ZNF621: variants seen among roughly 807,000 people sequenced by gnomAD.
ZNF621 encodes the protein zinc finger protein 621.
ZNF621 carries 6 observed loss-of-function variants against 12.7 expected under a neutral mutation model. That is an observed-to-expected ratio of 0.47 (90% CI 0.26 to 0.93). ZNF621 has a LOEUF of 0.93. Among genes scored for constraint, ZNF621 ranks in the 40% least tolerant of loss-of-function variants. The pLI, the probability that ZNF621 is intolerant of heterozygous loss-of-function variation, is 0.15. For missense variants in ZNF621, 474 were observed against 524.0 expected (o/e 0.90, Z 0.93); for synonymous variants, 156 against 190.3 (o/e 0.82, Z 1.48).
upstream of ZNF621, among the ~76,000 whole-genome samples, chr3:40,524,639 C>T (rs917785359): frequency 2.6e-5 from 4 of 152,208 alleles, no homozygotes; most frequent in African/African-American, 7.2e-5. Context: ...AGGTGAGCCA[C>T]GGGGCCAAGG....
chr3:40,532,267 T>A lies in ZNF621; in HGVS notation c.497T>A (p.Leu166His), dbSNP rs944195915. 8 of 1,613,784 alleles carry A rather than the reference T, an allele frequency of 5.0e-6. No individual in the cohort carries two copies. Among genetic ancestry groups the A allele is most frequent in the Middle Eastern group, 1.6e-4 (1 of 6,062 alleles). ...CGKIFRYNSK[L>H]IRHQMSHTGE... The stretch of plus-strand genomic sequence containing the variant: ...AAAATCTTCCGATATAACTCAAAGC[T>A]TATTCGGCATCAGATGAGTCATACT... The change falls in exon 5 of 5, where the codon CTT becomes CAT. Residue 166 changes from leucine to histidine, a missense_variant. Leu to His is a moderately conservative substitution (Grantham distance 99, BLOSUM62 -3). Transcript: ENST00000339296.
Position 40,535,464 on chromosome 3 carries a change from A to T in ZNF621, c.*2374A>T, listed in dbSNP as rs1698845185. 6.6e-6 allele frequency: 1 copy of T among 152,226 alleles called. No homozygotes were observed. Among genetic ancestry groups the T allele is most frequent in the Admixed American group, 6.5e-5 (1 of 15,280 alleles). 9.4% of individuals were successfully genotyped at this position (152,226 alleles called of 1,614,324 possible). On this transcript the variant is annotated 3_prime_UTR_variant, in exon 5 of 5. Transcript: ENST00000339296. ...AGCCAGGAAAAATGACCAACCACAG[A>T]ACCAAGTGGTTCCAGTGGAAACTCA...
At chr3:40,531,291 G>A (rs1412834569) in intron 4 of ZNF621, among the ~76,000 whole-genome samples, 1 of 152,188 alleles carries the variant, frequency 6.6e-6, no homozygotes, top group African/African-American at 2.4e-5. Context: ...TAGTGCTGGA[G>A]CTGCTTCTCT....
chr3:40,524,501 C>T (rs550289800), upstream of ZNF621, among the ~76,000 whole-genome samples: 2 of 152,316 alleles, frequency 1.3e-5, no homozygotes, highest in South Asian at 4.1e-4. Context: ...AGGGCTAAAA[C>T]GGCGAGTGGA....
intron 1 of ZNF621, 115 bp from the exon 2 acceptor site, chr3:40,525,664 T>A: frequency 3.9e-6 from 3 of 770,896 alleles, no homozygotes; most frequent in Non-Finnish European, 6.7e-6. Context: ...TTAGAGGGAG[T>A]CCTAGTAGAA....
chr3:40,531,996 T>G, intron 4 of ZNF621, 34 bp from the exon 5 acceptor site: 4 of 1,552,898 alleles, frequency 2.6e-6, no homozygotes, highest in Non-Finnish European at 3.5e-6. Context: ...CTTCCAGTTT[T>G]GTAACTAGGA....
At position 40,530,275 on chromosome 3, in the gene ZNF621, C is replaced by T; in HGVS notation, c.218C>T (p.Pro73Leu). Residue 73 changes from proline (P) to leucine (L), a missense_variant, in exon 4 of 5, where the codon CCA (proline) becomes CTA (leucine). Physicochemically the swap from Pro to Leu is moderately conservative, Grantham distance 98. Coordinates refer to ENST00000339296, the MANE Select transcript of ZNF621 (RefSeq NM_198484.5). ...HLERGEAPWG[P>L]DPWDTEILRG... ...GAGAGAGGGGAAGCACCATGGGGCC[C>T]AGATCCCTGGGACACCGAGATTCTG... The T allele has an allele frequency of 6.2e-7, 1 of 1,613,188 alleles. No individual in the cohort carries two copies. Among genetic ancestry groups the T allele is most frequent in the Non-Finnish European group, 8.5e-7 (1 of 1,179,584 alleles).
chr3:40,532,430 A>G lies in ZNF621; in HGVS notation c.660A>G (p.Thr220=). 6.2e-7 allele frequency: 1 copy of G among 1,613,948 alleles called. No homozygotes were observed. The highest frequency in any genetic ancestry group is 8.5e-7 in the Non-Finnish European group (1 of 1,180,008). ...KECGKGLSSN[T]ALTQHQRIHT... The stretch of plus-strand genomic sequence containing the variant: ...GTGGCAAAGGTTTGAGTTCCAACAC[A>G]GCCTTGACTCAACATCAGAGGATCC... The change falls in exon 5 of 5, where the codon ACA becomes ACG. Residue 220 remains threonine, a synonymous_variant. Coordinates refer to ENST00000339296, the MANE Select transcript of ZNF621 (RefSeq NM_198484.5).
intron 2 of ZNF621, among the ~76,000 whole-genome samples, chr3:40,526,975 C>T (rs1169131348): frequency 2.0e-5 from 3 of 152,142 alleles, no homozygotes; most frequent in East Asian, 1.9e-4. Context: ...CCTGCCTTAG[C>T]CTCCCAAGTA....
intron 4 of ZNF621, among the ~76,000 whole-genome samples, chr3:40,531,329 C>G (rs1410425866): frequency 6.6e-6 from 1 of 152,116 alleles, no homozygotes; most frequent in Non-Finnish European, 1.5e-5. Flanking sequence ...ATTCCTTTCT[C>G]CTCTTCTGGG....
rs1465851649 is a variant in ZNF621 at position 40,537,639 on chromosome 3, AG to A, written c.*4553del. The A allele has an allele frequency of 6.6e-6, 1 of 152,654 alleles. No homozygotes were observed. The highest frequency in any genetic ancestry group is 1.5e-5 in the Non-Finnish European group (1 of 68,362). The allele number at this position is 152,654 out of a possible 1,614,324, so 9.5% of individuals were successfully genotyped here. A position where few individuals can be genotyped will look rare whatever the true frequency, so the allele number is the denominator to read the frequency against. ...TTATTACTGATATGGAGAAAGTTTT[AG>A]GGGTCTGGATCAAACCAACCACAAA... On this transcript the variant is annotated 3_prime_UTR_variant, in exon 5 of 5. Transcript: ENST00000339296.
upstream of ZNF621, among the ~76,000 whole-genome samples, chr3:40,523,757 C>T (rs1698511067): frequency 6.7e-6 from 1 of 148,318 alleles, no homozygotes; most frequent in South Asian, 2.1e-4. Flanking sequence ...CAGAGCGAGA[C>T]TCCGTCTCAA....
In ZNF621 at chr3:40,533,383, C is replaced by T. The variant is rs76551182; in HGVS notation, c.*293C>T. 1.7e-4 allele frequency: 59 copies of T among 346,674 alleles called. No individual in the cohort carries two copies. The highest frequency in any genetic ancestry group is 1.3e-3 in the East Asian group (22 of 16,448). 21.5% of individuals were successfully genotyped at this position (346,674 alleles called of 1,614,324 possible). A position where few individuals can be genotyped will look rare whatever the true frequency, so the allele number is the denominator to read the frequency against. On this transcript the variant is annotated 3_prime_UTR_variant, in exon 5 of 5. Transcript: ENST00000339296. ...CTCAAACACCTGACCTCAAGTGATC[C>T]GCCTGCCTTGGCCCCCCAAAGTGCT... is the stretch of plus-strand genomic sequence containing the variant.
chr3:40,527,204 G>C (rs1464111510), intron 2 of ZNF621, among the ~76,000 whole-genome samples: 1 of 152,016 alleles, frequency 6.6e-6, no homozygotes, highest in Non-Finnish European at 1.5e-5. Context: ...TTTTAGTAGA[G>C]ACGGGGGTTC....
rs1698777693 is a variant in ZNF621, at chr3:40,533,079, C to T, written c.1309C>T (p.His437Tyr). ...PSPVILTPSS[H>Y]SS is the part of the protein sequence containing the mutation. ...CCCAGTTATTCTCACCCCTTCTTCT[C>T]ACTCCTCATGAGCTTTATCTTGGCA... The change falls in exon 5 of 5, where the codon CAC becomes TAC. Residue 437 changes from histidine to tyrosine, a missense_variant. His to Tyr is a moderately conservative substitution (Grantham distance 83, BLOSUM62 2). Transcript: ENST00000339296. 1 of 1,551,564 alleles carries T rather than the reference C, an allele frequency of 6.4e-7. No individual in the cohort carries two copies. Among genetic ancestry groups the T allele is most frequent in the Non-Finnish European group, 8.7e-7 (1 of 1,146,854 alleles).
At position 40,537,857 on chromosome 3, in the gene ZNF621, G is replaced by C. The variant is rs954991881; in HGVS notation, c.*4767G>C. On this transcript the variant is annotated 3_prime_UTR_variant, in exon 5 of 5. Transcript: ENST00000339296. ...TGTAGAAGCTGTAGCAATTTATCCA[G>C]ATCTAGCTAAGTTAATTGATGAAGT... Among the ~76,000 whole-genome samples, 5 of 152,186 alleles carry C rather than the reference G, an allele frequency of 3.3e-5. No homozygotes were observed. Among genetic ancestry groups the C allele is most frequent in the Non-Finnish European group, 7.3e-5 (5 of 68,036 alleles).
chr3:40,523,776 A>G (rs1432395573), upstream of ZNF621, among the ~76,000 whole-genome samples: 10 of 139,108 alleles, frequency 7.2e-5, no homozygotes, highest in African/African-American at 2.4e-4. Context: ...AAAAAAACAA[A>G]CAAACAAAAA....
chr3:40,528,240 C>G (rs74567728), intron 2 of ZNF621, among the ~76,000 whole-genome samples: 1 of 152,206 alleles, frequency 6.6e-6, no homozygotes, highest in Non-Finnish European at 1.5e-5. Context: ...TAGCCAGAAT[C>G]ACACAGTACG....
chr3:40,536,331 A>C lies in ZNF621; in HGVS notation c.*3241A>C, dbSNP rs1012261348. 6 of 152,128 alleles carry C rather than the reference A, an allele frequency of 3.9e-5. No homozygotes were observed. The highest frequency in any genetic ancestry group is 1.4e-4 in the African/African-American group (6 of 41,402). The allele number at this position is 152,128 out of a possible 1,614,324, so 9.4% of individuals were successfully genotyped here. ...CCTGGCAGCCTCAAGTGATCCACCC[A>C]CCTCGGTCTCCCAAAGTGTTGGGAT... On this transcript the variant is annotated 3_prime_UTR_variant, in exon 5 of 5. Transcript: ENST00000339296.
Sources: allele counts gnomAD v4.1 joint callset (sites outside exome capture counted in the v4.1 genomes callset), GRCh38; gene constraint gnomAD v4.1.1; transcripts MANE v1.5; gene names NCBI Gene and HGNC (gene_info 2026-07-23, HGNC 2026-07-21).